The following SYT2 variants were observed in gnomAD, a reference collection of about 807,000 sequenced individuals.
SYT2 encodes synaptotagmin 2.
Under a neutral mutation model 39.9 loss-of-function variants are expected in SYT2, and 15 were observed. The observed-to-expected ratio is 0.38, with a 90% CI of 0.25 to 0.58. SYT2 has a LOEUF of 0.58. Ranked by LOEUF, SYT2 falls within the 20% of genes least tolerant of loss-of-function variation. The probability of loss-of-function intolerance (pLI) is 0.70; values close to 1 mark genes in which losing one functional copy is unlikely to be tolerated. For missense variants in SYT2, 389 were observed against 530.3 expected (o/e 0.73, Z 2.62); for synonymous variants, 181 against 204.5 (o/e 0.89, Z 0.98).
At chr1:202,652,626 C>T (rs1692213364) in intron 1 of SYT2, among the ~76,000 whole-genome samples, 1 of 152,142 alleles carries the variant, frequency 6.6e-6, no homozygotes, top group South Asian at 2.1e-4. Context: ...ACTTGAGGAG[C>T]TTAAAGGAAA....
intron 1 of SYT2, among the ~76,000 whole-genome samples, chr1:202,649,005 G>A (rs1692141679): frequency 6.6e-6 from 1 of 152,232 alleles, no homozygotes; most frequent in South Asian, 2.1e-4. Context: ...AACCTGCTGT[G>A]AGACTCTGCC....
chr1:202,631,669 C>G (rs1041187516), intron 1 of SYT2, among the ~76,000 whole-genome samples: 2 of 152,194 alleles, frequency 1.3e-5, no homozygotes, highest in Non-Finnish European at 2.9e-5. Context: ...GGGGTCTCCT[C>G]TCTTCATGTG....
At chr1:202,608,492 G>GTC (rs145201050) in intron 1 of SYT2, among the ~76,000 whole-genome samples, 5,813 of 152,076 alleles carry the variant, frequency 0.038, 145 homozygotes, top group East Asian at 0.064. Context: ...GCCCAGGCTG[G>GTC]TCTCGAGCTC....
At chr1:202,613,427 G>A (rs1690944361) in intron 1 of SYT2, among the ~76,000 whole-genome samples, 1 of 152,072 alleles carries the variant, frequency 6.6e-6, no homozygotes, top group Non-Finnish European at 1.5e-5. Context: ...ATGTGTGTGT[G>A]TGCTGGTGGA....
At chr1:202,699,033 T>TTTTTTA (rs1466225491) in intron 1 of SYT2, among the ~76,000 whole-genome samples, 3 of 137,970 alleles carry the variant, frequency 2.2e-5, no homozygotes, top group South Asian at 4.7e-4. Context: ...TTTTTTTTTT[T>TTTTTTA]GAGACACAGG....
At chr1:202,643,011 A>C (rs1260323913) in intron 1 of SYT2, among the ~76,000 whole-genome samples, 2 of 152,134 alleles carry the variant, frequency 1.3e-5, no homozygotes, top group Non-Finnish European at 2.9e-5. Context: ...TCCCGAAATA[A>C]TTCAGGACAC....
At chr1:202,624,091 C>T (rs1269887523) in intron 1 of SYT2, among the ~76,000 whole-genome samples, 2 of 152,100 alleles carry the variant, frequency 1.3e-5, no homozygotes, top group East Asian at 1.9e-4. Context: ...AGGTTTGGCA[C>T]GAAAGCAAAA....
At chr1:202,686,954 T>C (rs1653683786) in intron 1 of SYT2, among the ~76,000 whole-genome samples, 1 of 152,128 alleles carries the variant, frequency 6.6e-6, no homozygotes, top group Non-Finnish European at 1.5e-5. Flanking sequence ...AAGTCTTCTC[T>C]GATTCCCTTG....
At chr1:202,683,536 TGA>T (rs1047100762) in intron 1 of SYT2, among the ~76,000 whole-genome samples, 1 of 151,986 alleles carries the variant, frequency 6.6e-6, no homozygotes, top group Non-Finnish European at 1.5e-5. Context: ...CCTAGGAATT[TGA>T]GACTAGCCTG....
At chr1:202,661,546 G>C (rs940208134) in intron 1 of SYT2, among the ~76,000 whole-genome samples, 1 of 152,118 alleles carries the variant, frequency 6.6e-6, no homozygotes, top group Non-Finnish European at 1.5e-5. Flanking sequence ...ACATTCCCTC[G>C]TGGTTGCCCT....
chr1:202,685,442 C>T (rs2149114582), intron 1 of SYT2, among the ~76,000 whole-genome samples: 1 of 152,280 alleles, frequency 6.6e-6, no homozygotes, highest in Admixed American at 6.5e-5. Context: ...TGAACCCATT[C>T]TTTCTTCCAG....
chr1:202,605,226 A>C (rs1690662575), intron 2 of SYT2: 1 of 182,300 alleles, frequency 5.5e-6, no homozygotes, highest in Non-Finnish European at 1.2e-5. Flanking sequence ...CCAGAAATTC[A>C]AAAGCAGAGA....
rs111945159 is a variant in SYT2, at chr1:202,628,224, C to G, written c.-17-22435G>C. ...TGAGGAAACTGGGCCTCAGGGGGAG[C>G]GAAACAGGTCACTCGCTCAAGCACC... is the stretch of plus-strand genomic sequence containing the variant. On this transcript the variant is annotated intron_variant, in intron 1 of 8. Transcript: ENST00000367268. This position sits in a 1 kb window ranked among gnomAD's most constrained non-coding sequence, Gnocchi z 4.2. Among the ~76,000 whole-genome samples the G allele has an allele frequency of 1.3e-5, 2 of 152,134 alleles. No individual in the cohort carries two copies. The highest frequency in any genetic ancestry group is 4.8e-5 in the African/African-American group (2 of 41,428).
At chr1:202,693,973 T>TG (rs1653910020) in intron 1 of SYT2, among the ~76,000 whole-genome samples, 1 of 152,022 alleles carries the variant, frequency 6.6e-6, no homozygotes, top group African/African-American at 2.4e-5. Context: ...CAGAGCAAGG[T>TG]CGGGGGGTGG....
At chr1:202,630,008 G>T (rs562183432) in intron 1 of SYT2, among the ~76,000 whole-genome samples, 5 of 152,178 alleles carry the variant, frequency 3.3e-5, no homozygotes, top group African/African-American at 1.2e-4. Context: ...AGCATTTGGA[G>T]GATTTGTAGA....
chr1:202,654,170 TTAAG>T (rs370493943), intron 1 of SYT2, among the ~76,000 whole-genome samples: 10 of 152,178 alleles, frequency 6.6e-5, no homozygotes, highest in African/African-American at 2.2e-4. Context: ...GTGCAAATAA[TTAAG>T]TGTCTTTCCC....
In SYT2 at chr1:202,628,841, C is replaced by T. The variant is rs774405744; in HGVS notation, c.-17-23052G>A. Among the ~76,000 whole-genome samples the T allele has an allele frequency of 2.0e-5, 3 of 152,232 alleles. No individual in the cohort carries two copies. Among genetic ancestry groups the T allele is most frequent in the Non-Finnish European group, 4.4e-5 (3 of 68,046 alleles). Reference sequence around the variant, plus strand: ...TGCTGCCAAGTGGGGTGAATGAGCACCTGGGCTCTGGGCAGACTGACCTGG... The same window carrying T: ...TGCTGCCAAGTGGGGTGAATGAGCATCTGGGCTCTGGGCAGACTGACCTGG... On this transcript the variant is annotated intron_variant, in intron 1 of 8. Coordinates refer to ENST00000367268, the MANE Select transcript of SYT2 (RefSeq NM_177402.5). The surrounding 1 kb of genome is among the most constrained non-coding windows in gnomAD (Gnocchi z 4.2).
At position 202,604,497 on chromosome 1, in the gene SYT2, G is replaced by A; in HGVS notation, c.303C>T (p.Gly101=). Residue 101 remains glycine (G), a synonymous_variant, in exon 3 of 9, where the codon GGC becomes GGT. Transcript: ENST00000367268. ...KKKNKKEKGK[G]MKNAMNMKDM... is the part of the protein sequence containing the mutation. ...CCTTCATGTTCATGGCATTCTTCATGCCTTTGCCCTTCTCCTTCTTGTTCT... is the reference window on the plus strand; with the variant it reads ...CCTTCATGTTCATGGCATTCTTCATACCTTTGCCCTTCTCCTTCTTGTTCT... 6.2e-7 allele frequency: 1 copy of A among 1,614,174 alleles called. No individual in the cohort carries two copies. The highest frequency in any genetic ancestry group is 8.5e-7 in the Non-Finnish European group (1 of 1,180,044).
chr1:202,643,003 C>T lies in SYT2; in HGVS notation c.-17-37214G>A, dbSNP rs545428078. 2.1e-3 allele frequency among the ~76,000 whole-genome samples: 314 copies of T among 152,346 alleles called. 3 individuals carry two copies. Among genetic ancestry groups the T allele is most frequent in the Non-Finnish European group, 2.9e-4 (20 of 68,038 alleles). On this transcript the variant is annotated intron_variant, in intron 1 of 8. Transcript: ENST00000367268. ...GAGATAGGTTGGGGGCTAGGGGTTC[C>T]CGAAATAATTCAGGACACCTCCCCC...
Sources: gnomAD v4.1 joint callset for allele counts (sites outside exome capture counted in the v4.1 genomes callset) on GRCh38, gnomAD v4.1.1 for gene constraint, Gnocchi (gnomAD v3.1) non-coding constraint, MANE v1.5 for transcripts, NCBI Gene and HGNC (gene_info 2026-07-23, HGNC 2026-07-21) for gene names.